Variants in MCF2L observed in about 807,000 individuals in gnomAD.
MCF2L encodes MCF.2 cell line derived transforming sequence like, also known as guanine nucleotide exchange factor DBS.
Under a neutral mutation model 153.4 loss-of-function variants are expected in MCF2L, and 97 were observed. The ratio of observed to expected loss-of-function variants is 0.63; its 90% CI spans 0.54 to 0.75. MCF2L has a LOEUF of 0.75. MCF2L is among the 30% of genes least tolerant of loss of function. MCF2L has a pLI of 0.00. For missense variants in MCF2L, 1,347 were observed against 1,495.2 expected (o/e 0.90, Z 1.64); for synonymous variants, 659 against 632.2 (o/e 1.04, Z -0.64).
intron 1 of MCF2L, among the ~76,000 whole-genome samples, chr13:112,980,708 T>C (rs893986113): frequency 2.2e-5 from 2 of 89,798 alleles, no homozygotes; most frequent in African/African-American, 6.9e-5. Context: ...GAGGGCTGTG[T>C]CACTCACTGC....
At chr13:113,066,017 C>T (rs760170874) in intron 7 of MCF2L, 29 bp from the exon 8 acceptor site, 92 of 1,607,192 alleles carry the variant, frequency 5.7e-5, no homozygotes, top group Middle Eastern at 3.5e-4. Flanking sequence ...TGGACGGGGC[C>T]GGGACATGAG....
chr13:113,058,205 T>G (rs1006498519), intron 4 of MCF2L, among the ~76,000 whole-genome samples: 17 of 150,444 alleles, frequency 1.1e-4, no homozygotes, highest in African/African-American at 2.7e-4. Flanking sequence ...ATTGAGTTTT[T>G]GGGCGCTGTG....
At chr13:113,004,972 T>C (rs2083590360) in intron 1 of MCF2L, among the ~76,000 whole-genome samples, 1 of 152,146 alleles carries the variant, frequency 6.6e-6, no homozygotes, top group Non-Finnish European at 1.5e-5. Flanking sequence ...AAAAGAGCAC[T>C]GTCGTTGGAG....
chr13:112,989,504 AGCT>A (rs2082811127), intron 1 of MCF2L, among the ~76,000 whole-genome samples: 1 of 17,500 alleles, frequency 5.7e-5, no homozygotes, highest in Non-Finnish European at 5.1e-4. Flanking sequence ...CAGGGGATGG[AGCT>A]ACCACACCGG....
rs768582265 is a variant in MCF2L at position 113,064,913 on chromosome 13, A to G, written c.607-23A>G. The G allele has an allele frequency of 1.0e-5, 16 of 1,604,452 alleles. No homozygotes were observed. Among genetic ancestry groups the G allele is most frequent in the African/African-American group, 5.3e-5 (4 of 74,768 alleles). ...GTGGGTGCAGTGCACAAGGCATGCA[A>G]TTGTGTTTTCTCTGTCCCCAAGGCC... On this transcript the variant is annotated intron_variant, in intron 6 of 29. Coordinates refer to ENST00000535094, the MANE Select transcript of MCF2L (RefSeq NM_001112732.3). This position sits in a 1 kb window ranked among gnomAD's most constrained non-coding sequence, Gnocchi z 6.0.
At chr13:112,963,279 T>C (rs985700359) in intron 2 of MCF2L, among the ~76,000 whole-genome samples, 1 of 152,242 alleles carries the variant, frequency 6.6e-6, no homozygotes, top group Non-Finnish European at 1.5e-5. Flanking sequence ...TTTGAAGGAA[T>C]TCTTTCTCCA....
intron 1 of MCF2L, among the ~76,000 whole-genome samples, chr13:113,006,181 C>T (rs548578391): frequency 1.1e-4 from 16 of 152,334 alleles, no homozygotes; most frequent in East Asian, 7.7e-4. Context: ...AGCCCCTCTG[C>T]GAGAGCCTCT....
At chr13:112,973,557 C>T (rs186047179) in intron 1 of MCF2L, among the ~76,000 whole-genome samples, 49 of 152,288 alleles carry the variant, frequency 3.2e-4, no homozygotes, top group Non-Finnish European at 6.6e-4. Context: ...TCTGACGCCA[C>T]GGCTCAGTGC....
chr13:113,011,685 GC>G (rs2084125538), intron 1 of MCF2L, among the ~76,000 whole-genome samples: 1 of 143,198 alleles, frequency 7.0e-6, no homozygotes. Flanking sequence ...CGGTGGACAG[GC>G]GGTGTGGACG....
intron 1 of MCF2L, among the ~76,000 whole-genome samples, chr13:112,899,542 C>T (rs1324074290): frequency 2.0e-5 from 3 of 152,330 alleles, no homozygotes; most frequent in African/African-American, 4.8e-5. Context: ...TCTCTACCCA[C>T]GTATCTTGGG....
intron 2 of MCF2L, among the ~76,000 whole-genome samples, chr13:112,908,746 T>TTC (rs1594306491): frequency 6.6e-6 from 1 of 151,090 alleles, no homozygotes; most frequent in East Asian, 1.9e-4. Flanking sequence ...TTTTTTGTTT[T>TTC]TTTTTGAGAC....
intron 2 of MCF2L, among the ~76,000 whole-genome samples, chr13:112,906,177 G>A (rs1459237342): frequency 1.3e-5 from 2 of 152,210 alleles, no homozygotes; most frequent in Admixed American, 1.3e-4. Flanking sequence ...CAGCTATCGT[G>A]ACAGTGTTCC....
At chr13:112,895,667 A>G (rs1011768877) in intron 1 of MCF2L, among the ~76,000 whole-genome samples, 2 of 152,120 alleles carry the variant, frequency 1.3e-5, no homozygotes, top group African/African-American at 4.8e-5. Flanking sequence ...TGGAGCCCTC[A>G]GTCCCAGGGG....
At position 112,898,374 on chromosome 13, in the gene MCF2L, C is replaced by T. The variant is rs558310129; in HGVS notation, c.-4-3825C>T. On this transcript the variant is annotated intron_variant, in intron 1 of 29. Transcript: ENST00000375608. The stretch of plus-strand genomic sequence containing the variant: ...GAGGTGGGCGCGTGTTTGTTTTGTT[C>T]GCTTGGAACCTGTGTGCGGAGGAGG... Among the ~76,000 whole-genome samples, 11 of 152,286 alleles carry T rather than the reference C, an allele frequency of 7.2e-5. No individual in the cohort carries two copies. In the South Asian group the frequency reaches 1.0e-3, roughly 14 times the overall value.
chr13:112,919,604 G>A (rs1403466705), intron 2 of MCF2L, among the ~76,000 whole-genome samples: 2 of 152,122 alleles, frequency 1.3e-5, no homozygotes, highest in Non-Finnish European at 2.9e-5. Context: ...AACGCCTTGA[G>A]AAAATAGAAA....
intron 26 of MCF2L, chr13:113,089,945 C>G (rs2035036616): frequency 6.3e-7 from 1 of 1,597,386 alleles, no homozygotes; most frequent in Non-Finnish European, 8.5e-7. Context: ...AAGGCCAGCC[C>G]CAGAAGGAGC....
At chr13:113,093,181 C>T (rs1277237504) in intron 26 of MCF2L, among the ~76,000 whole-genome samples, 1 of 152,252 alleles carries the variant, frequency 6.6e-6, no homozygotes, top group African/African-American at 2.4e-5. Flanking sequence ...GGCACCTGGG[C>T]CCCCACCCTT....
In MCF2L at chr13:113,051,378, C is replaced by A. The variant is rs1363421912; in HGVS notation, c.369+6017C>A. Reference sequence around the variant, plus strand: ...ACGGCGGTGGGCGGTGCCGGTCATGCAGAATATTGCAGGGGGAGGCAGCCC... The same window carrying A: ...ACGGCGGTGGGCGGTGCCGGTCATGAAGAATATTGCAGGGGGAGGCAGCCC... On this transcript the variant is annotated intron_variant, in intron 4 of 29. Transcript: ENST00000535094. 3.3e-5 allele frequency among the ~76,000 whole-genome samples: 5 copies of A among 152,252 alleles called. No homozygotes were observed. The South Asian group carries it at 8.3e-4, about 25-fold the overall frequency.
rs145034791 is a variant in MCF2L at position 113,078,399 on chromosome 13, G to A, written c.1697G>A (p.Gly566Asp). The A allele has an allele frequency of 8.7e-6, 14 of 1,613,074 alleles. No individual in the cohort carries two copies. The highest frequency in any genetic ancestry group is 1.2e-5 in the Non-Finnish European group (14 of 1,179,936). Reference sequence around the variant, plus strand: ...GGCTCTGAGAACTCCAGCTCCGAGGGCGGTGCGCTCCGGAGAGGGCCCTAC... The same window carrying A: ...GGCTCTGAGAACTCCAGCTCCGAGGACGGTGCGCTCCGGAGAGGGCCCTAC... ...RRGSENSSSE[G>D]GALRRGPYRR... Residue 566 changes from glycine (G) to aspartate (D), a missense_variant, in exon 14 of 30, where the codon GGC (glycine) becomes GAC (aspartate). Physicochemically the swap from Gly to Asp is moderately conservative, Grantham distance 94 (BLOSUM62 -1). Transcript: ENST00000535094.
Sources: allele counts gnomAD v4.1 joint callset (sites outside exome capture counted in the v4.1 genomes callset), GRCh38; gene constraint gnomAD v4.1.1; non-coding constraint Gnocchi (gnomAD v3.1); transcripts MANE v1.5; gene names NCBI Gene and HGNC (gene_info 2026-07-23, HGNC 2026-07-21).